RIT2: variants seen among roughly 807,000 people sequenced by gnomAD.
The protein encoded by RIT2 is GTP-binding protein Rit2.
A neutral mutation model predicts 23.7 loss-of-function variants in RIT2; 24 were observed. The ratio of observed to expected loss-of-function variants is 1.01; its 90% confidence interval spans 0.73 to 1.43. The LOEUF is 1.43. Among genes scored for constraint, RIT2 ranks in the 40% most tolerant of loss-of-function variants. RIT2 has a pLI of 0.00. For synonymous variants in RIT2, 107 were observed against 91.1 expected (o/e 1.17, Z -0.99); for missense variants, 236 against 266.9 (o/e 0.88, Z 0.81).
intron 4 of RIT2, among the ~76,000 whole-genome samples, chr18:42,908,123 A>T (rs1908671615): frequency 6.6e-6 from 1 of 151,920 alleles, no homozygotes; most frequent in Non-Finnish European, 1.5e-5. Context: ...GAAAAACAAA[A>T]TAACCAAACA....
At chr18:42,789,635 T>C (rs960768336) in intron 4 of RIT2, among the ~76,000 whole-genome samples, 26 of 152,310 alleles carry the variant, frequency 1.7e-4, no homozygotes, top group African/African-American at 6.0e-4. Context: ...AAGATCATTA[T>C]TGGGGTGTAG....
At chr18:42,796,088 T>G (rs1359753737) in intron 4 of RIT2, among the ~76,000 whole-genome samples, 2 of 152,074 alleles carry the variant, frequency 1.3e-5, no homozygotes, top group Non-Finnish European at 1.5e-5. Context: ...TCTTCCACAC[T>G]GTGGAAGCTT....
intron 4 of RIT2, among the ~76,000 whole-genome samples, chr18:42,781,592 A>G (rs987606361): frequency 6.6e-6 from 1 of 152,144 alleles, no homozygotes; most frequent in Non-Finnish European, 1.5e-5. Context: ...ACTTTTAGGC[A>G]CCAGAACCCA....
intron 4 of RIT2, among the ~76,000 whole-genome samples, chr18:42,784,532 T>C (rs958204525): frequency 2.6e-5 from 4 of 152,120 alleles, no homozygotes; most frequent in African/African-American, 4.8e-5. Flanking sequence ...TGGTACTTGA[T>C]TGTAAATTCT....
chr18:42,990,912 G>GTTTTTTTTTTTTTT, intron 2 of RIT2, among the ~76,000 whole-genome samples: 1 of 133,122 alleles, frequency 7.5e-6, no homozygotes, highest in Non-Finnish European at 1.6e-5. Context: ...CACTGGTTTT[G>GTTTTTTTTTTTTTT]TTTTTTTTTT....
intron 1 of RIT2, among the ~76,000 whole-genome samples, chr18:43,089,490 G>A (rs1479901416): frequency 6.6e-6 from 1 of 151,324 alleles, no homozygotes; most frequent in South Asian, 2.1e-4. Flanking sequence ...TAGTTAAAAT[G>A]ACCACTCTGC....
chr18:42,751,634 T>G (rs1180186724), intron 4 of RIT2, among the ~76,000 whole-genome samples: 1 of 152,034 alleles, frequency 6.6e-6, no homozygotes, highest in East Asian at 1.9e-4. Context: ...TTGTGCCTAC[T>G]CATTACTTTG....
intron 4 of RIT2, among the ~76,000 whole-genome samples, chr18:42,867,105 C>G (rs1907492204): frequency 6.6e-6 from 1 of 152,128 alleles, no homozygotes; most frequent in Non-Finnish European, 1.5e-5. Flanking sequence ...GGGAGGGAGG[C>G]TTCTTTATAA....
intron 4 of RIT2, among the ~76,000 whole-genome samples, chr18:42,795,507 G>A (rs1483352006): frequency 6.6e-6 from 1 of 152,224 alleles, no homozygotes; most frequent in Non-Finnish European, 1.5e-5. Flanking sequence ...CCATGCTTGA[G>A]CCTCCCACCC....
intron 4 of RIT2, among the ~76,000 whole-genome samples, chr18:42,810,630 A>G (rs537345608): frequency 6.6e-6 from 1 of 151,980 alleles, no homozygotes; most frequent in African/African-American, 2.4e-5. Flanking sequence ...CACTGACCTC[A>G]CTATAAATAA....
intron 1 of RIT2, among the ~76,000 whole-genome samples, chr18:43,084,899 A>T (rs951567273): frequency 3.3e-5 from 5 of 152,324 alleles, no homozygotes; most frequent in East Asian, 3.9e-4. Flanking sequence ...TAATAAAAAA[A>T]GTTAGTCATA....
intron 3 of RIT2, among the ~76,000 whole-genome samples, chr18:42,969,564 T>C (rs991090432): frequency 5.3e-5 from 8 of 151,874 alleles, no homozygotes; most frequent in Non-Finnish European, 1.2e-4. Context: ...CTAAACCTAA[T>C]ACCAAACTAC....
intron 4 of RIT2, 138 bp from the exon 5 acceptor site, chr18:42,743,858 C>A (rs577633482): frequency 7.9e-6 from 5 of 634,922 alleles, no homozygotes; most frequent in African/African-American, 5.5e-5. Flanking sequence ...TGCAGGTATA[C>A]GCCCAGATGG....
intron 1 of RIT2, among the ~76,000 whole-genome samples, chr18:43,036,642 C>T (rs1442637262): frequency 6.6e-6 from 1 of 151,864 alleles, no homozygotes; most frequent in African/African-American, 2.4e-5. Flanking sequence ...AAACCTGCTG[C>T]TTGTTGTATA....
intron 4 of RIT2, among the ~76,000 whole-genome samples, chr18:42,912,037 A>T (rs1198763083): frequency 6.6e-6 from 1 of 151,874 alleles, no homozygotes. Context: ...ATAATTCTGA[A>T]CAAAATTTTA....
At chr18:42,952,721 T>C (rs1049001270) in intron 3 of RIT2, among the ~76,000 whole-genome samples, 2 of 152,018 alleles carry the variant, frequency 1.3e-5, no homozygotes, top group Admixed American at 1.3e-4. Context: ...AATCTTCCAA[T>C]TTTATGAAAT....
intron 4 of RIT2, among the ~76,000 whole-genome samples, chr18:42,822,229 C>G (rs16976972): frequency 6.6e-6 from 1 of 152,016 alleles, no homozygotes; most frequent in Admixed American, 6.6e-5. Context: ...AGAGAATAAG[C>G]AGTTCAGAAC....
intron 3 of RIT2, among the ~76,000 whole-genome samples, chr18:42,930,446 CA>C (rs1909299550): frequency 6.6e-6 from 1 of 151,648 alleles, no homozygotes; most frequent in Non-Finnish European, 1.5e-5. Flanking sequence ...TATAAAAAAA[CA>C]AAGTATAGAG....
At chr18:43,004,791 C>T (rs530253074) in intron 2 of RIT2, among the ~76,000 whole-genome samples, 1 of 151,960 alleles carries the variant, frequency 6.6e-6, no homozygotes, top group South Asian at 2.1e-4. Context: ...AAGATTTTCA[C>T]ATTGTGCTTC....
Sources: gnomAD v4.1 joint callset for allele counts (sites outside exome capture counted in the v4.1 genomes callset) on GRCh38, gnomAD v4.1.1 for gene constraint, MANE v1.5 for transcripts, NCBI Gene and HGNC (gene_info 2026-07-23, HGNC 2026-07-21) for gene names.